Variants in IL1RAPL2 observed in about 807,000 individuals in gnomAD.
The protein encoded by IL1RAPL2 is interleukin 1 receptor accessory protein like 2, also known as X-linked interleukin-1 receptor accessory protein-like 2.
Under a neutral mutation model 44.1 loss-of-function variants are expected in IL1RAPL2, and 3 were observed. That is an observed-to-expected ratio of 0.07 (90% confidence interval 0.03 to 0.18). The LOEUF is 0.18. Among genes scored for constraint, IL1RAPL2 ranks in the 10% least tolerant of loss-of-function variants. The pLI, the probability that IL1RAPL2 is intolerant of heterozygous loss-of-function variation, is 1.00. For missense variants in IL1RAPL2, 391 were observed against 496.4 expected (o/e 0.79, Z 2.02); for synonymous variants, 181 against 178.8 (o/e 1.01, Z -0.10).
At chrX:104,644,898 C>T (rs1217047501) in intron 1 of IL1RAPL2, among the ~76,000 whole-genome samples, 4 of 111,585 alleles carry the variant, frequency 3.6e-5, no homozygotes, top group African/African-American at 1.3e-4. Context: ...ATTCTAACCC[C>T]GCTACACCAC....
rs1307245119 is a variant in IL1RAPL2, at chrX:104,655,231, AG to A, written c.-19-3661del. 9.0e-5 allele frequency among the ~76,000 whole-genome samples: 10 copies of A among 111,547 alleles called. No homozygotes were observed. In the East Asian group the frequency reaches 2.8e-3, roughly 32 times the overall value. ...CTATGTCGAATAGGAGTGGTGAGAG[AG>A]GGCATCCCTGTTGTGCCAGTTTTCA... On this transcript the variant is annotated intron_variant, in intron 1 of 10. Coordinates refer to ENST00000372582, the MANE Select transcript of IL1RAPL2 (RefSeq NM_017416.2).
rs753589512 is a variant in IL1RAPL2 at position 105,763,706 on chromosome X, T to C, written c.1364-3258T>C. Among the ~76,000 whole-genome samples, 150 of 110,806 alleles carry C rather than the reference T, an allele frequency of 1.4e-3. 1 individual carries two copies. The highest frequency in any genetic ancestry group is 4.8e-3 in the African/African-American group (147 of 30,498). ...AGAGAGCAAGCCAGAATATGGAAGC[T>C]AGGGCACAGTCTCGCCTTCTTTTCC... On this transcript the variant is annotated intron_variant, in intron 10 of 10. Coordinates refer to ENST00000372582, the MANE Select transcript of IL1RAPL2 (RefSeq NM_017416.2).
At chrX:104,585,274 TA>T in intron 1 of IL1RAPL2, among the ~76,000 whole-genome samples, 1 of 18,891 alleles carries the variant, frequency 5.3e-5, no homozygotes, top group Non-Finnish European at 7.1e-5. Flanking sequence ...TAATATATTA[TA>T]TATATTATAT....
At chrX:104,675,354 G>C (rs1930724955) in intron 2 of IL1RAPL2, among the ~76,000 whole-genome samples, 1 of 111,664 alleles carries the variant, frequency 9.0e-6, no homozygotes, top group Non-Finnish European at 1.9e-5. Context: ...ATTTCGTTAT[G>C]TACCCAGTGG....
At chrX:105,668,978 G>A (rs937983715) in intron 6 of IL1RAPL2, among the ~76,000 whole-genome samples, 1 of 111,357 alleles carries the variant, frequency 9.0e-6, no homozygotes, top group Non-Finnish European at 1.9e-5. Context: ...GTAAGAGGAG[G>A]AAAAGGAATA....
intron 3 of IL1RAPL2, among the ~76,000 whole-genome samples, chrX:105,215,405 A>G (rs1391189767): frequency 2.7e-5 from 3 of 111,830 alleles, no homozygotes; most frequent in African/African-American, 9.8e-5. Context: ...CCAAGACTAA[A>G]CCAGGAAGAA....
intron 2 of IL1RAPL2, among the ~76,000 whole-genome samples, chrX:104,805,792 C>G (rs772887886): frequency 7.1e-5 from 8 of 111,891 alleles, no homozygotes; most frequent in Non-Finnish European, 1.3e-4. Flanking sequence ...CTCAAAATAA[C>G]CCTATGTGGT....
chrX:104,831,906 T>C (rs1921619429), intron 2 of IL1RAPL2, among the ~76,000 whole-genome samples: 1 of 112,249 alleles, frequency 8.9e-6, no homozygotes, highest in East Asian at 2.8e-4. Context: ...ACTATTCTGC[T>C]TACATGTAAC....
intron 5 of IL1RAPL2, among the ~76,000 whole-genome samples, chrX:105,268,758 ACT>A (rs1427515906): frequency 9.0e-6 from 1 of 110,625 alleles, no homozygotes; most frequent in Non-Finnish European, 1.9e-5. Flanking sequence ...ACAGAGCAAG[ACT>A]CTGTCTCAAA....
At chrX:104,888,369 A>G (rs1260700335) in intron 2 of IL1RAPL2, among the ~76,000 whole-genome samples, 1 of 110,864 alleles carries the variant, frequency 9.0e-6, no homozygotes, top group Non-Finnish European at 1.9e-5. Context: ...AGAGACAGAC[A>G]AAAAGGGAGT....
chrX:105,755,668 G>C (rs964194187), intron 10 of IL1RAPL2, among the ~76,000 whole-genome samples: 1 of 111,594 alleles, frequency 9.0e-6, no homozygotes, highest in African/African-American at 3.3e-5. Context: ...ATATATTTCA[G>C]TTGCAAAGCT....
At chrX:105,734,944 T>C (rs1167170493) in intron 7 of IL1RAPL2, among the ~76,000 whole-genome samples, 3 of 111,336 alleles carry the variant, frequency 2.7e-5, no homozygotes, top group African/African-American at 9.8e-5. Flanking sequence ...TAAGTGTTTG[T>C]GGTGGTACTG....
intron 2 of IL1RAPL2, among the ~76,000 whole-genome samples, chrX:104,979,054 A>T (rs746107411): frequency 1.9e-4 from 21 of 111,495 alleles, no homozygotes; most frequent in Non-Finnish European, 1.7e-4. Context: ...AGCTAGGATA[A>T]TTATGAAAAA....
At chrX:105,392,688 G>T (rs1218963860) in intron 5 of IL1RAPL2, among the ~76,000 whole-genome samples, 1 of 111,388 alleles carries the variant, frequency 9.0e-6, no homozygotes, top group African/African-American at 3.3e-5. Flanking sequence ...TAGAAAAAGG[G>T]TTTCATAAAT....
chrX:104,697,272 G>A (rs1931197174), intron 2 of IL1RAPL2, among the ~76,000 whole-genome samples: 1 of 112,235 alleles, frequency 8.9e-6, no homozygotes. Flanking sequence ...GGACAAATAG[G>A]ATTTTGGTAT....
chrX:105,134,138 A>G (rs757411283), intron 2 of IL1RAPL2, among the ~76,000 whole-genome samples: 1 of 111,966 alleles, frequency 8.9e-6, no homozygotes, highest in Non-Finnish European at 1.9e-5. Context: ...GACTGCTTTT[A>G]TTAACTTTAA....
intron 6 of IL1RAPL2, among the ~76,000 whole-genome samples, chrX:105,488,364 G>A (rs370262133): frequency 2.7e-5 from 3 of 111,944 alleles, no homozygotes; most frequent in East Asian, 5.7e-4. Flanking sequence ...AATATGGTGG[G>A]AGAGAGAGGT....
intron 6 of IL1RAPL2, among the ~76,000 whole-genome samples, chrX:105,561,376 C>T (rs12558272): frequency 9.0e-6 from 1 of 111,701 alleles, no homozygotes; most frequent in Admixed American, 9.6e-5. Context: ...ATTATTAGCA[C>T]CTGTCTGCTG....
At chrX:105,035,200 C>T (rs143908643) in intron 2 of IL1RAPL2, among the ~76,000 whole-genome samples, 51 of 111,944 alleles carry the variant, frequency 4.6e-4, no homozygotes, top group African/African-American at 1.0e-3. Flanking sequence ...CCGAGTGAGG[C>T]AATGCCTTAT....
Sources: gnomAD v4.1 joint callset for allele counts (sites outside exome capture counted in the v4.1 genomes callset) on GRCh38, gnomAD v4.1.1 for gene constraint, MANE v1.5 for transcripts, NCBI Gene and HGNC (gene_info 2026-07-23, HGNC 2026-07-21) for gene names.